Variants in ARHGAP15 observed in about 807,000 individuals in gnomAD.
ARHGAP15 encodes the protein Rho GTPase activating protein 15, also known as rho GTPase-activating protein 15.
A neutral mutation model predicts 63.7 loss-of-function variants in ARHGAP15; 51 were observed. The observed-to-expected ratio is 0.80, with a 90% CI of 0.64 to 1.01. The LOEUF (loss-of-function observed/expected upper bound fraction) is 1.01, where lower values mean the gene tolerates loss of function less well. Ranked by LOEUF, ARHGAP15 falls within the 50% of genes least tolerant of loss-of-function variation. ARHGAP15 has a pLI of 0.00. For synonymous variants in ARHGAP15, 191 were observed against 193.8 expected (o/e 0.99, Z 0.12); for missense variants, 560 against 564.6 (o/e 0.99, Z 0.08).
intron 3 of ARHGAP15, among the ~76,000 whole-genome samples, chr2:143,209,144 G>GT (rs1692471432): frequency 6.6e-6 from 1 of 152,126 alleles, no homozygotes; most frequent in Non-Finnish European, 1.5e-5. Flanking sequence ...TGGGGGAATA[G>GT]TTCTATTGAT....
chr2:143,667,104 T>C (rs1412202867), intron 12 of ARHGAP15, among the ~76,000 whole-genome samples: 1 of 151,262 alleles, frequency 6.6e-6, no homozygotes, highest in East Asian at 2.0e-4. Flanking sequence ...CATGCTGCTA[T>C]AAAGACACAT....
chr2:143,522,492 A>G (rs2104991629), intron 10 of ARHGAP15, among the ~76,000 whole-genome samples: 1 of 152,266 alleles, frequency 6.6e-6, no homozygotes, highest in Non-Finnish European at 1.5e-5. Flanking sequence ...AAATATTAAA[A>G]CACGGTTCTG....
intron 9 of ARHGAP15, among the ~76,000 whole-genome samples, chr2:143,506,396 C>T (rs1303293733): frequency 1.3e-5 from 2 of 152,202 alleles, no homozygotes; most frequent in East Asian, 3.9e-4. Context: ...GTTTTAATCC[C>T]CCTATAAAGT....
intron 12 of ARHGAP15, among the ~76,000 whole-genome samples, chr2:143,673,756 G>GTATATATA (rs1362315937): frequency 8.7e-4 from 27 of 30,988 alleles, no homozygotes; most frequent in South Asian, 2.2e-3. Context: ...GTGTGTGTGT[G>GTATATATA]TGTATATATA....
At chr2:143,712,046 G>A (rs1684604637) in intron 13 of ARHGAP15, among the ~76,000 whole-genome samples, 1 of 152,188 alleles carries the variant, frequency 6.6e-6, no homozygotes. Context: ...TAAGAGTGAA[G>A]GACAGCTTGT....
chr2:143,303,669 C>T (rs1022268782), intron 6 of ARHGAP15, among the ~76,000 whole-genome samples: 17 of 152,116 alleles, frequency 1.1e-4, no homozygotes, highest in African/African-American at 3.6e-4. Flanking sequence ...TCAGAGTGAA[C>T]AGGAAACCTA....
intron 6 of ARHGAP15, among the ~76,000 whole-genome samples, chr2:143,290,016 T>C (rs1682310080): frequency 6.6e-6 from 1 of 152,136 alleles, no homozygotes; most frequent in African/African-American, 2.4e-5. Flanking sequence ...GCATAAACAA[T>C]TGAGTCCCTA....
chr2:143,216,099 T>G (rs1692747275), intron 3 of ARHGAP15, among the ~76,000 whole-genome samples: 1 of 152,226 alleles, frequency 6.6e-6, no homozygotes, highest in Admixed American at 6.5e-5. Context: ...TGCAATCAAT[T>G]TTTTAAACAA....
chr2:143,394,280 A>G (rs967985658), intron 6 of ARHGAP15, among the ~76,000 whole-genome samples: 25 of 152,330 alleles, frequency 1.6e-4, no homozygotes, highest in African/African-American at 5.5e-4. Context: ...TCTGTGAAAG[A>G]GAGGGAGATG....
At chr2:143,767,089 T>C (rs1265648953) in intron 13 of ARHGAP15, among the ~76,000 whole-genome samples, 1 of 152,220 alleles carries the variant, frequency 6.6e-6, no homozygotes, top group Non-Finnish European at 1.5e-5. Context: ...GAGTTTGATA[T>C]TTCTTAGCAC....
intron 8 of ARHGAP15, among the ~76,000 whole-genome samples, chr2:143,441,413 C>T (rs991988075): frequency 1.3e-5 from 2 of 152,162 alleles, no homozygotes; most frequent in African/African-American, 2.4e-5. Context: ...CCCAGAAAAG[C>T]ATGCCATTCA....
intron 8 of ARHGAP15, among the ~76,000 whole-genome samples, chr2:143,470,292 G>GA (rs527918583): frequency 0.023 from 2,905 of 126,606 alleles, 37 homozygotes; most frequent in Non-Finnish European, 0.031. Flanking sequence ...CAAGGTTTTG[G>GA]AAAAAAAAAA....
Position 143,333,023 on chromosome 2 carries a change from G to T in ARHGAP15, c.474+82423G>T, listed in dbSNP as rs147436648. Among the ~76,000 whole-genome samples the T allele has an allele frequency of 7.9e-3, 1,180 of 149,814 alleles. 3 individuals carry two copies. The highest frequency in any genetic ancestry group is 0.012 in the Non-Finnish European group (824 of 67,724). ...TATATTGAGGCTGCAGATGCAAGTT[G>T]GCATCGTCAGAAGATGAATGCTTGT... On this transcript the variant is annotated intron_variant, in intron 6 of 13. Transcript: ENST00000295095.
chr2:143,573,731 T>G (rs138624319), intron 11 of ARHGAP15, among the ~76,000 whole-genome samples: 1 of 152,254 alleles, frequency 6.6e-6, no homozygotes, highest in African/African-American at 2.4e-5. Context: ...GAAGCAGTAA[T>G]TGGAAATTTT....
intron 5 of ARHGAP15, among the ~76,000 whole-genome samples, chr2:143,242,994 G>T (rs551795701): frequency 1.3e-5 from 2 of 152,124 alleles, no homozygotes; most frequent in Non-Finnish European, 2.9e-5. Context: ...AAAAAATGGC[G>T]CTAATAACCT....
intron 8 of ARHGAP15, among the ~76,000 whole-genome samples, chr2:143,460,007 C>G (rs1344664104): frequency 6.6e-6 from 1 of 151,928 alleles, no homozygotes; most frequent in Admixed American, 6.6e-5. Flanking sequence ...AGTAAGGGCT[C>G]ATTAAATATC....
intron 2 of ARHGAP15, chr2:143,171,898 C>T (rs1173427663): frequency 1.3e-5 from 2 of 152,026 alleles, no homozygotes; most frequent in Non-Finnish European, 2.9e-5. Flanking sequence ...AGAGCAGTTG[C>T]TGTGCTTGGC....
intron 8 of ARHGAP15, among the ~76,000 whole-genome samples, chr2:143,445,165 T>TTA (rs1409557957): frequency 7.6e-6 from 1 of 131,602 alleles, no homozygotes; most frequent in East Asian, 2.2e-4. Context: ...TTTTTTTTTT[T>TTA]TTTTTTTTTT....
At chr2:143,541,617 T>C (rs1002134505) in intron 10 of ARHGAP15, among the ~76,000 whole-genome samples, 1 of 152,220 alleles carries the variant, frequency 6.6e-6, no homozygotes, top group Admixed American at 6.5e-5. Flanking sequence ...CAGTTGCAGG[T>C]CTGTTGGAGT....
Sources: allele counts gnomAD v4.1 joint callset (sites outside exome capture counted in the v4.1 genomes callset), GRCh38; gene constraint gnomAD v4.1.1; transcripts MANE v1.5; gene names NCBI Gene and HGNC (gene_info 2026-07-23, HGNC 2026-07-21).